EDAR: variants seen among roughly 807,000 people sequenced by gnomAD.
EDAR encodes the protein ectodysplasin A receptor, also known as tumor necrosis factor receptor superfamily member EDAR.
In EDAR, 38 loss-of-function variants were observed where a neutral mutation model predicts 51.3. The observed-to-expected ratio is 0.74, with a 90% CI of 0.57 to 0.97. EDAR has a LOEUF of 0.97. Among genes scored for constraint, EDAR ranks in the 50% least tolerant of loss-of-function variants. EDAR has a pLI of 0.00. For synonymous variants in EDAR, 227 were observed against 242.1 expected (o/e 0.94, Z 0.58); for missense variants, 528 against 595.0 (o/e 0.89, Z 1.17).
At chr2:108,924,107 G>T (rs1256146121) in intron 4 of EDAR, among the ~76,000 whole-genome samples, 1 of 152,218 alleles carries the variant, frequency 6.6e-6, no homozygotes, top group Non-Finnish European at 1.5e-5. Context: ...AAGCCTTTAC[G>T]CTGGGGCTGC....
In EDAR at chr2:108,979,972, T is replaced by C. The variant is rs112482388; in HGVS notation, c.-19+8988A>G. 9.2e-3 allele frequency among the ~76,000 whole-genome samples: 1,342 copies of C among 146,560 alleles called. 12 individuals carry two copies. The highest frequency in any genetic ancestry group is 0.016 in the Non-Finnish European group (1,013 of 65,196). ...AGATGAGGTGTGCAAGTGAGTCTCC[T>C]GGCCTCTGCTTCTTCACTTGAAAAT... On this transcript the variant is annotated intron_variant, in intron 1 of 11. Coordinates refer to ENST00000258443, the MANE Select transcript of EDAR (RefSeq NM_022336.4).
chr2:108,971,735 T>G (rs956263210), intron 1 of EDAR, among the ~76,000 whole-genome samples: 2 of 152,200 alleles, frequency 1.3e-5, no homozygotes, highest in Non-Finnish European at 2.9e-5. Context: ...AAGTCAGGTG[T>G]TGTGGTTTAT....
intron 1 of EDAR, among the ~76,000 whole-genome samples, chr2:108,972,250 C>T (rs1015053897): frequency 6.6e-6 from 1 of 152,284 alleles, no homozygotes; most frequent in Non-Finnish European, 1.5e-5. Context: ...GTTTCAGCCA[C>T]ACCCCTGTAA....
intron 1 of EDAR, among the ~76,000 whole-genome samples, chr2:108,963,016 GA>G (rs1203277537): frequency 1.3e-5 from 2 of 152,162 alleles, no homozygotes; most frequent in Non-Finnish European, 2.9e-5. Context: ...CTGCACCAGC[GA>G]TCAATTGAAC....
intron 11 of EDAR, among the ~76,000 whole-genome samples, chr2:108,902,284 G>C (rs548324673): frequency 3.9e-5 from 6 of 152,154 alleles, no homozygotes; most frequent in Middle Eastern, 3.4e-3. Flanking sequence ...GCTGAGGCAA[G>C]AGAATCACTT....
intron 11 of EDAR, 117 bp downstream of exon 11, chr2:108,906,191 G>T: frequency 1.9e-6 from 2 of 1,045,272 alleles, no homozygotes; most frequent in South Asian, 1.3e-5. Context: ...ACCAAAGTGC[G>T]GCAACTGGAT....
chr2:108,921,578 G>A (rs1270242836), intron 5 of EDAR, among the ~76,000 whole-genome samples: 1 of 152,228 alleles, frequency 6.6e-6, no homozygotes, highest in Non-Finnish European at 1.5e-5. Context: ...CCAGAGTGGG[G>A]CTGCTGATGG....
At chr2:108,978,319 C>T (rs1355748145) in intron 1 of EDAR, among the ~76,000 whole-genome samples, 1 of 152,216 alleles carries the variant, frequency 6.6e-6, no homozygotes, top group Non-Finnish European at 1.5e-5. Flanking sequence ...GATTACATCT[C>T]TGTGGTTTCC....
At chr2:108,983,881 T>A (rs1234418806) in intron 1 of EDAR, among the ~76,000 whole-genome samples, 1 of 152,092 alleles carries the variant, frequency 6.6e-6, no homozygotes, top group Non-Finnish European at 1.5e-5. Flanking sequence ...CCCCACTCCA[T>A]CTCACACCCG....
chr2:108,927,230 G>T (rs375126614), intron 4 of EDAR, among the ~76,000 whole-genome samples: 11 of 152,318 alleles, frequency 7.2e-5, no homozygotes, highest in African/African-American at 2.6e-4. Flanking sequence ...CAGGTGTGCT[G>T]GGCCTTGCTA....
intron 6 of EDAR, 73 bp from the exon 7 acceptor site, chr2:108,911,145 C>T (rs1696923155): frequency 2.5e-6 from 4 of 1,585,066 alleles, no homozygotes; most frequent in South Asian, 1.1e-5. Flanking sequence ...GGACTCCGGC[C>T]CCTGGAAGCA....
intron 1 of EDAR, among the ~76,000 whole-genome samples, chr2:108,966,885 G>A (rs747362599): frequency 6.6e-6 from 1 of 152,228 alleles, no homozygotes; most frequent in Non-Finnish European, 1.5e-5. Context: ...GGGAGACAGA[G>A]AGGGACCCTC....
chr2:108,902,095 G>A (rs373769542), intron 11 of EDAR, among the ~76,000 whole-genome samples: 1 of 152,076 alleles, frequency 6.6e-6, no homozygotes, highest in African/African-American at 2.4e-5. Context: ...AAAATTAGCT[G>A]GGCATGGTGG....
At position 108,911,835 on chromosome 2, in the gene EDAR, G is replaced by A. The variant is rs560542761; in HGVS notation, c.530-763C>T. ...AGGTAGTGCCAGAGCTGAGAACCCCGCATGTGGGCGCTGAGCCTCCCCTGT... is the reference window on the plus strand; with the variant it reads ...AGGTAGTGCCAGAGCTGAGAACCCCACATGTGGGCGCTGAGCCTCCCCTGT... On this transcript the variant is annotated intron_variant, in intron 6 of 11. Transcript: ENST00000258443. Among the ~76,000 whole-genome samples the A allele has an allele frequency of 2.6e-5, 4 of 152,310 alleles. No homozygotes were observed. The East Asian group carries it at 7.7e-4, about 29-fold the overall frequency.
At chr2:108,980,820 C>T (rs1337746983) in intron 1 of EDAR, among the ~76,000 whole-genome samples, 1 of 152,146 alleles carries the variant, frequency 6.6e-6, no homozygotes, top group Non-Finnish European at 1.5e-5. Context: ...AGGTGGCCAA[C>T]CTGGCACCAT....
chr2:108,955,754 C>T (rs151170996), intron 1 of EDAR, among the ~76,000 whole-genome samples: 9 of 151,974 alleles, frequency 5.9e-5, no homozygotes, highest in East Asian at 1.9e-4. Context: ...AGGTAGGGCG[C>T]GGTGGCTCAT....
intron 5 of EDAR, among the ~76,000 whole-genome samples, chr2:108,915,671 G>T (rs979490024): frequency 1.3e-5 from 2 of 152,104 alleles, no homozygotes; most frequent in African/African-American, 2.4e-5. Flanking sequence ...AGGCCGAGGC[G>T]GGAGGATCAC....
intron 1 of EDAR, among the ~76,000 whole-genome samples, chr2:108,980,521 T>C (rs1055120262): frequency 6.6e-6 from 1 of 152,144 alleles, no homozygotes; most frequent in Admixed American, 6.5e-5. Context: ...TATGTATATA[T>C]TTACATATAT....
chr2:108,918,190 C>T (rs1025434848), intron 5 of EDAR, among the ~76,000 whole-genome samples: 37 of 152,316 alleles, frequency 2.4e-4, no homozygotes, highest in African/African-American at 8.4e-4. Flanking sequence ...CAGGGTGGGG[C>T]GCGAGCCCTG....
Sources: allele counts gnomAD v4.1 joint callset (sites outside exome capture counted in the v4.1 genomes callset), GRCh38; gene constraint gnomAD v4.1.1; transcripts MANE v1.5; gene names NCBI Gene and HGNC (gene_info 2026-07-23, HGNC 2026-07-21).